B4GALT6: variants seen among roughly 807,000 people sequenced by gnomAD.
B4GALT6 encodes UDP-Gal:beta-GlcNAc beta-1,4-galactosyltransferase 6.
In B4GALT6, 14 loss-of-function variants were observed where a neutral mutation model predicts 46.3. The ratio of observed to expected loss-of-function variants is 0.30; its 90% confidence interval spans 0.20 to 0.47. The LOEUF is 0.47. Ranked by LOEUF, B4GALT6 falls within the 20% of genes least tolerant of loss-of-function variation. The pLI, the probability that B4GALT6 is intolerant of heterozygous loss-of-function variation, is 0.99. For missense variants in B4GALT6, 386 were observed against 480.1 expected (o/e 0.80, Z 1.83); for synonymous variants, 168 against 162.0 (o/e 1.04, Z -0.28).
At chr18:31,688,262 T>TATATATATATATATAC (rs1555643347), upstream of B4GALT6, among the ~76,000 whole-genome samples, 2,235 of 116,804 alleles carry the variant, frequency 0.019, 66 homozygotes, top group African/African-American at 0.067. Flanking sequence ...TATATATACA[T>TATATATATATATATAC]ATATATATAT....
intron 2 of B4GALT6, among the ~76,000 whole-genome samples, chr18:31,661,673 T>C (rs1330007090): frequency 1.3e-5 from 2 of 152,166 alleles, no homozygotes; most frequent in Non-Finnish European, 2.9e-5. Context: ...GGACATACTA[T>C]ACACTACACA....
chr18:31,641,626 G>C (rs2073932076), intron 4 of B4GALT6, among the ~76,000 whole-genome samples: 1 of 152,056 alleles, frequency 6.6e-6, no homozygotes. Flanking sequence ...TTTGCTGTTT[G>C]AGCCACTCTC....
chr18:31,647,446 T>TTCAC (rs2074004613), intron 3 of B4GALT6, among the ~76,000 whole-genome samples: 2 of 152,162 alleles, frequency 1.3e-5, no homozygotes, highest in African/African-American at 4.8e-5. Flanking sequence ...GTATCCTAAG[T>TTCAC]TCACACTCCT....
chr18:31,674,801 T>C (rs2074397082), intron 1 of B4GALT6, among the ~76,000 whole-genome samples: 2 of 152,188 alleles, frequency 1.3e-5, no homozygotes, highest in Non-Finnish European at 2.9e-5. Flanking sequence ...AGGAAGGTAT[T>C]ACTTGGATTA....
upstream of B4GALT6, chr18:31,684,764 G>A (rs1337523223): frequency 1.3e-5 from 14 of 1,083,324 alleles, no homozygotes; most frequent in Non-Finnish European, 1.6e-5. Context: ...AAGCAGCGGC[G>A]GGAGGAGGGG....
chr18:31,721,860 T>TC, the B4GALT6 span, among the ~76,000 whole-genome samples: 1 of 151,276 alleles, frequency 6.6e-6, no homozygotes, highest in African/African-American at 2.4e-5. Flanking sequence ...TTCTCTTTCT[T>TC]TCTCTCTCTC....
chr18:31,626,998 C>G lies in B4GALT6; in HGVS notation c.899+1G>C, dbSNP rs1330957466. On this transcript the variant is annotated splice_donor_variant, in intron 7 of 8. Coordinates refer to ENST00000306851, the MANE Select transcript of B4GALT6 (RefSeq NM_004775.5). LOFTEE classifies it high-confidence loss of function. Reference sequence around the variant, plus strand: ...AGTGAACAATTTGTACCTCAACATACCTGTTCCAAAGGTCATCATCTTCTC... The same window carrying G: ...AGTGAACAATTTGTACCTCAACATAGCTGTTCCAAAGGTCATCATCTTCTC... The G allele has an allele frequency of 6.2e-7, 1 of 1,606,148 alleles. No homozygotes were observed. Among genetic ancestry groups the G allele is most frequent in the Non-Finnish European group, 8.5e-7 (1 of 1,177,508 alleles).
intron 1 of B4GALT6, among the ~76,000 whole-genome samples, chr18:31,682,158 C>T (rs1395477409): frequency 1.3e-5 from 2 of 152,064 alleles, no homozygotes; most frequent in African/African-American, 4.8e-5. Context: ...TACATTTTCT[C>T]GAAAATGAGC....
At chr18:31,712,774 T>C in the B4GALT6 span, among the ~76,000 whole-genome samples, 168 of 152,360 alleles carry the variant, frequency 1.1e-3, 4 homozygotes, top group East Asian at 0.026. Flanking sequence ...CTGAATTTGA[T>C]TTCTTTTTCA....
At chr18:31,691,601 T>C in the B4GALT6 span, among the ~76,000 whole-genome samples, 1 of 152,120 alleles carries the variant, frequency 6.6e-6, no homozygotes, top group African/African-American at 2.4e-5. Flanking sequence ...CTAGACCATT[T>C]TCTATTCATT....
At chr18:31,676,957 G>C (rs2074421734) in intron 1 of B4GALT6, among the ~76,000 whole-genome samples, 1 of 152,158 alleles carries the variant, frequency 6.6e-6, no homozygotes, top group Admixed American at 6.5e-5. Flanking sequence ...AAGTAAAACA[G>C]TAGACCCTTC....
At chr18:31,628,008 AGAG>A (rs2073723327) in intron 6 of B4GALT6, among the ~76,000 whole-genome samples, 1 of 152,240 alleles carries the variant, frequency 6.6e-6, no homozygotes, top group South Asian at 2.1e-4. Context: ...AAGCTGTCTC[AGAG>A]GAGGGAACTT....
chr18:31,698,048 A>G, the B4GALT6 span, among the ~76,000 whole-genome samples: 1 of 152,016 alleles, frequency 6.6e-6, no homozygotes, highest in African/African-American at 2.4e-5. Context: ...CTTTCCCCTC[A>G]TTCTCTCTAT....
chr18:31,633,615 C>T (rs182145666), intron 5 of B4GALT6, among the ~76,000 whole-genome samples: 13 of 152,180 alleles, frequency 8.5e-5, no homozygotes, highest in Non-Finnish European at 1.6e-4. Context: ...TCCTTATTTG[C>T]TTCTCTGATT....
chr18:31,659,433 G>C (rs2074184509), intron 2 of B4GALT6, among the ~76,000 whole-genome samples: 1 of 152,178 alleles, frequency 6.6e-6, no homozygotes, highest in Admixed American at 6.5e-5. Flanking sequence ...CACGCCACCT[G>C]CAAGACTGCT....
chr18:31,626,232 T>G (rs1256401012), intron 8 of B4GALT6, 51 bp downstream of exon 8: 1 of 1,093,558 alleles, frequency 9.1e-7, no homozygotes, highest in African/African-American at 1.6e-5. Context: ...TACCTTTCAT[T>G]TATTCAACAG....
At chr18:31,647,106 T>C (rs1340846496) in intron 3 of B4GALT6, among the ~76,000 whole-genome samples, 1 of 152,204 alleles carries the variant, frequency 6.6e-6, no homozygotes, top group Non-Finnish European at 1.5e-5. Context: ...GAATCTAACA[T>C]TGTAATCAAA....
In B4GALT6 at chr18:31,654,173, C is replaced by T. The variant is rs536951559; in HGVS notation, c.346+3803G>A. Among the ~76,000 whole-genome samples, 13 of 152,218 alleles carry T rather than the reference C, an allele frequency of 8.5e-5. 1 individual carries two copies. The East Asian group carries it at 2.5e-3, about 29-fold the overall frequency. ...CAGAATATATAAAGGTCACTGCAAA[C>T]GTATTCTATTTGAATAAGAATTAAA... is the stretch of plus-strand genomic sequence containing the variant. On this transcript the variant is annotated intron_variant, in intron 3 of 8. Coordinates refer to ENST00000306851, the MANE Select transcript of B4GALT6 (RefSeq NM_004775.5).
chr18:31,630,343 C>CT (rs1292538122), intron 6 of B4GALT6, among the ~76,000 whole-genome samples: 21 of 152,020 alleles, frequency 1.4e-4, no homozygotes, highest in Admixed American at 1.4e-3. Context: ...CTTTCATGTC[C>CT]TTTTAAGTTA....
Sources: allele counts gnomAD v4.1 joint callset (sites outside exome capture counted in the v4.1 genomes callset), GRCh38; gene constraint gnomAD v4.1.1; transcripts MANE v1.5; gene names NCBI Gene and HGNC (gene_info 2026-07-23, HGNC 2026-07-21).